Variants in CAMK2D observed in about 807,000 individuals in gnomAD.
CAMK2D encodes the protein calcium/calmodulin-dependent protein kinase type II subunit delta.
CAMK2D carries 37 observed loss-of-function variants against 84.0 expected under a neutral mutation model. That is an observed-to-expected ratio of 0.44 (90% CI 0.34 to 0.58). The LOEUF (loss-of-function observed/expected upper bound fraction) is 0.58, where lower values mean the gene tolerates loss of function less well. Ranked by LOEUF, CAMK2D falls within the 20% of genes least tolerant of loss-of-function variation. The pLI is 0.02. For synonymous variants in CAMK2D, 202 were observed against 212.5 expected, an observed-to-expected ratio of 0.95 and a Z score of 0.43; for missense variants, 448 against 652.5, an observed-to-expected ratio of 0.69 and a Z score of 3.41.
At chr4:113,601,717 T>C (rs1040054166) in intron 4 of CAMK2D, among the ~76,000 whole-genome samples, 2 of 147,274 alleles carry the variant, frequency 1.4e-5, no homozygotes, top group Admixed American at 7.1e-5. Context: ...TTTTCATTTT[T>C]TAAGTCAGGT....
Position 113,515,062 on chromosome 4 carries a change from T to C in CAMK2D, c.819+7A>G, listed in dbSNP as rs764413581. On this transcript the variant is annotated splice_region_variant and intron_variant, in intron 10 of 20. Coordinates refer to ENST00000511664, the MANE Select transcript of CAMK2D (RefSeq NM_001321571.2). Reference sequence around the variant, plus strand: ...AGTTCTTGAAGTTTTGGAGAAGTTTTACTTACACAGATCCATGGGTGCTTC... The same window carrying C: ...AGTTCTTGAAGTTTTGGAGAAGTTTCACTTACACAGATCCATGGGTGCTTC... The C allele has an allele frequency of 5.0e-6, 8 of 1,613,020 alleles. No homozygotes were observed. In the South Asian group the frequency reaches 7.7e-5, roughly 15 times the overall value.
chr4:113,711,214 CTA>C (rs1014193975), intron 2 of CAMK2D, among the ~76,000 whole-genome samples: 11 of 150,378 alleles, frequency 7.3e-5, no homozygotes, highest in Admixed American at 2.7e-4. Context: ...ATTATATTAT[CTA>C]TCTTATCATA....
intron 3 of CAMK2D, among the ~76,000 whole-genome samples, chr4:113,651,046 T>C (rs1483756736): frequency 6.6e-6 from 1 of 152,166 alleles, no homozygotes; most frequent in Non-Finnish European, 1.5e-5. Flanking sequence ...GACTGAATTA[T>C]AAAAACTACT....
chr4:113,717,296 T>C (rs1052394079), intron 2 of CAMK2D, among the ~76,000 whole-genome samples: 2 of 152,152 alleles, frequency 1.3e-5, no homozygotes, highest in African/African-American at 2.4e-5. Context: ...AAAGAAAATG[T>C]TTATTAAAAA....
intron 2 of CAMK2D, among the ~76,000 whole-genome samples, chr4:113,713,921 CTT>C (rs1300291312): frequency 2.0e-5 from 3 of 150,620 alleles, no homozygotes. Context: ...TTTTTTGTAT[CTT>C]AATGTGGTAA....
intron 7 of CAMK2D, among the ~76,000 whole-genome samples, chr4:113,534,728 C>A (rs1412751572): frequency 1.3e-5 from 2 of 152,114 alleles, no homozygotes; most frequent in African/African-American, 2.4e-5. Flanking sequence ...ACTTATTGAA[C>A]ATCCTTTATA....
chr4:113,588,206 C>T (rs920262928), intron 4 of CAMK2D, among the ~76,000 whole-genome samples: 8 of 152,150 alleles, frequency 5.3e-5, no homozygotes, highest in Middle Eastern at 3.4e-3. Context: ...ACTTCAATTG[C>T]TTAAATAATT....
chr4:113,476,027 A>G (rs930439184), intron 16 of CAMK2D, among the ~76,000 whole-genome samples: 3 of 152,210 alleles, frequency 2.0e-5, no homozygotes, highest in African/African-American at 7.2e-5. Context: ...TAGTGGAAAA[A>G]AGTTTATAAT....
At chr4:113,610,339 C>T (rs1405024614) in intron 3 of CAMK2D, among the ~76,000 whole-genome samples, 2 of 152,144 alleles carry the variant, frequency 1.3e-5, no homozygotes, top group Non-Finnish European at 2.9e-5. Context: ...ACTGCTTTTA[C>T]AAAAGTCACC....
At chr4:113,623,450 A>G (rs369055660) in intron 3 of CAMK2D, among the ~76,000 whole-genome samples, 3 of 152,122 alleles carry the variant, frequency 2.0e-5, no homozygotes, top group African/African-American at 7.2e-5. Context: ...AACTACAGAG[A>G]TACATGCTGA....
chr4:113,747,649 G>A (rs1359733351), intron 2 of CAMK2D, among the ~76,000 whole-genome samples: 7 of 151,898 alleles, frequency 4.6e-5, no homozygotes, highest in East Asian at 1.9e-4. Context: ...TTATCCTCCC[G>A]TCCTTTATTT....
At chr4:113,587,373 A>G (rs373497704) in intron 4 of CAMK2D, among the ~76,000 whole-genome samples, 44 of 152,308 alleles carry the variant, frequency 2.9e-4, no homozygotes, top group African/African-American at 9.1e-4. Flanking sequence ...ATTCAGTAAC[A>G]TGCGCCTGAG....
At chr4:113,485,750 A>G (rs766055183) in intron 16 of CAMK2D, among the ~76,000 whole-genome samples, 8 of 152,174 alleles carry the variant, frequency 5.3e-5, no homozygotes, top group Non-Finnish European at 1.2e-4. Context: ...ATATTAGATC[A>G]GCTCAAGCTC....
chr4:113,676,047 C>T (rs921160268), intron 2 of CAMK2D, among the ~76,000 whole-genome samples: 1 of 152,148 alleles, frequency 6.6e-6, no homozygotes, highest in Non-Finnish European at 1.5e-5. Context: ...TTATCTCTAT[C>T]ATACAAACCA....
chr4:113,565,650 CAA>C (rs1299833681), intron 4 of CAMK2D, among the ~76,000 whole-genome samples: 23 of 80,562 alleles, frequency 2.9e-4, no homozygotes, highest in Non-Finnish European at 2.8e-4. Context: ...GACTCTGTCT[CAA>C]AAAAAAAAAA....
intron 18 of CAMK2D, 80 bp from the exon 19 acceptor site, chr4:113,457,643 C>A: frequency 1.9e-6 from 2 of 1,026,424 alleles, no homozygotes; most frequent in Non-Finnish European, 3.0e-6. Flanking sequence ...CAGTTAGGAC[C>A]AATGAATGAA....
intron 2 of CAMK2D, among the ~76,000 whole-genome samples, chr4:113,685,532 A>G (rs1157293243): frequency 6.6e-6 from 1 of 152,018 alleles, no homozygotes; most frequent in African/African-American, 2.4e-5. Flanking sequence ...GAGCCACTGC[A>G]CCTGGCCACA....
chr4:113,525,707 T>G (rs1162229169), intron 8 of CAMK2D, among the ~76,000 whole-genome samples: 1 of 152,220 alleles, frequency 6.6e-6, no homozygotes, highest in African/African-American at 2.4e-5. Context: ...CACTCTGCTC[T>G]GCTGTAATGA....
intron 3 of CAMK2D, among the ~76,000 whole-genome samples, chr4:113,658,928 A>G (rs1242000622): frequency 6.6e-6 from 1 of 152,200 alleles, no homozygotes; most frequent in African/African-American, 2.4e-5. Flanking sequence ...CCAGTGAGGT[A>G]ACCAAGGAAT....
Sources: allele counts gnomAD v4.1 joint callset (sites outside exome capture counted in the v4.1 genomes callset), GRCh38; gene constraint gnomAD v4.1.1; transcripts MANE v1.5; gene names NCBI Gene and HGNC (gene_info 2026-07-23, HGNC 2026-07-21).